R3HDM2: variants seen among roughly 807,000 people sequenced by gnomAD.
R3HDM2 encodes R3H domain-containing protein 2.
A neutral mutation model predicts 124.5 loss-of-function variants in R3HDM2; 38 were observed. The observed-to-expected ratio is 0.31, with a 90% CI of 0.24 to 0.40. R3HDM2 has a LOEUF of 0.40. Ranked by LOEUF, R3HDM2 falls within the 10% of genes least tolerant of loss-of-function variation. R3HDM2 has a pLI of 1.00. For missense variants in R3HDM2, 869 were observed against 1,236.9 expected (o/e 0.70, Z 4.46); for synonymous variants, 391 against 448.0 (o/e 0.87, Z 1.61).
chr12:57,425,767 C>A (rs2070684076), intron 1 of R3HDM2, among the ~76,000 whole-genome samples: 1 of 152,100 alleles, frequency 6.6e-6, no homozygotes, highest in South Asian at 2.1e-4. Context: ...CACTGCACTC[C>A]AGCCTGGGAG....
chr12:57,293,233 G>A (rs2049012796), intron 10 of R3HDM2, among the ~76,000 whole-genome samples: 1 of 152,132 alleles, frequency 6.6e-6, no homozygotes. Flanking sequence ...TAAACTCAAA[G>A]CCTAAGCATT....
intron 11 of R3HDM2, among the ~76,000 whole-genome samples, chr12:57,291,616 T>G (rs1245882092): frequency 1.3e-5 from 2 of 150,660 alleles, no homozygotes. Flanking sequence ...ACTGTGCCAT[T>G]GCACTGCAGC....
chr12:57,305,737 C>T lies in R3HDM2; in HGVS notation c.166-2520G>A, dbSNP rs771700215. Reference sequence around the variant, plus strand: ...CTAGAGAGGTACTCATGGAGTGCTACAGGAGCACACAGCAGAAGCGTCTGA... The same window carrying T: ...CTAGAGAGGTACTCATGGAGTGCTATAGGAGCACACAGCAGAAGCGTCTGA... On this transcript the variant is annotated intron_variant, in intron 3 of 23. Coordinates refer to ENST00000402412, the MANE Select transcript of R3HDM2 (RefSeq NM_001394031.1). 15 of 398,180 alleles carry T rather than the reference C, an allele frequency of 3.8e-5. No individual in the cohort carries two copies. In the Admixed American group the frequency reaches 4.0e-4, roughly 11 times the overall value. 24.7% of individuals were successfully genotyped at this position (398,180 alleles called of 1,614,324 possible).
intron 2 of R3HDM2, among the ~76,000 whole-genome samples, chr12:57,336,612 A>G (rs751956218): frequency 1.4e-4 from 22 of 152,204 alleles, no homozygotes; most frequent in Non-Finnish European, 2.4e-4. Flanking sequence ...GAGCTAAATG[A>G]TAAGAACTTG....
chr12:57,377,508 C>T (rs2064253072), intron 2 of R3HDM2, among the ~76,000 whole-genome samples: 1 of 152,032 alleles, frequency 6.6e-6, no homozygotes. Context: ...TTCCACCAAT[C>T]ACCTAGTAAT....
chr12:57,294,880 G>A (rs2049421017), intron 10 of R3HDM2, among the ~76,000 whole-genome samples: 2 of 152,198 alleles, frequency 1.3e-5, no homozygotes, highest in Admixed American at 1.3e-4. Context: ...TTGGTGGAAG[G>A]AGTTGGAAAA....
intron 5 of R3HDM2, 52 bp downstream of exon 5, chr12:57,300,043 A>G: frequency 7.3e-7 from 1 of 1,362,032 alleles, no homozygotes; most frequent in African/African-American, 1.4e-5. Flanking sequence ...ACTACATCTT[A>G]CCAAACAACT....
chr12:57,354,007 C>T (rs549941553), intron 2 of R3HDM2, among the ~76,000 whole-genome samples: 2 of 152,120 alleles, frequency 1.3e-5, no homozygotes, highest in African/African-American at 2.4e-5. Context: ...GTGCACGCCA[C>T]CACACCCAGC....
chr12:57,274,070 G>A (rs1347932180), intron 14 of R3HDM2, among the ~76,000 whole-genome samples: 1 of 152,118 alleles, frequency 6.6e-6, no homozygotes, highest in Non-Finnish European at 1.5e-5. Context: ...AGTATTAGCT[G>A]CTTATACTGG....
intron 6 of R3HDM2, among the ~76,000 whole-genome samples, chr12:57,299,145 T>C (rs888794172): frequency 5.3e-5 from 8 of 152,168 alleles, no homozygotes; most frequent in East Asian, 1.9e-4. Context: ...CCAATGCAGA[T>C]GGAGTAGCTG....
chr12:57,297,044 A>G, intron 8 of R3HDM2: 1 of 300,664 alleles, frequency 3.3e-6, no homozygotes, highest in Non-Finnish European at 6.1e-6. Flanking sequence ...ACAAAGAAAG[A>G]CTGTCTCAAA....
At chr12:57,396,794 A>C (rs1436563109) in intron 1 of R3HDM2, among the ~76,000 whole-genome samples, 1 of 129,010 alleles carries the variant, frequency 7.8e-6, no homozygotes, top group Non-Finnish European at 1.7e-5. Context: ...AAAAAAAAAA[A>C]GAGTAGTCTA....
chr12:57,417,801 T>C (rs1279825392), intron 1 of R3HDM2, among the ~76,000 whole-genome samples: 1 of 152,176 alleles, frequency 6.6e-6, no homozygotes, highest in Non-Finnish European at 1.5e-5. Flanking sequence ...TGCTCCTTCC[T>C]CAAAATATTA....
intron 1 of R3HDM2, among the ~76,000 whole-genome samples, chr12:57,426,201 T>A (rs927941197): frequency 6.6e-6 from 1 of 152,024 alleles, no homozygotes; most frequent in African/African-American, 2.4e-5. Flanking sequence ...GCACTCCAGC[T>A]TGGGCGACAG....
intron 19 of R3HDM2, among the ~76,000 whole-genome samples, chr12:57,261,845 T>G (rs1592373769): frequency 7.4e-6 from 1 of 135,720 alleles, no homozygotes; most frequent in African/African-American, 2.8e-5. Context: ...TGGCAGCCAG[T>G]GGGAAGTGGG....
At chr12:57,256,206 C>A in intron 22 of R3HDM2, 132 bp from the exon 23 acceptor site, 1 of 986,988 alleles carries the variant, frequency 1.0e-6, no homozygotes, top group Non-Finnish European at 1.6e-6. Flanking sequence ...TCAGGTTGGC[C>A]ATGGAGCAGC....
rs1288624850 is a variant in R3HDM2, at chr12:57,335,003, G to A, written c.-35-24540C>T. 3.3e-5 allele frequency among the ~76,000 whole-genome samples: 5 copies of A among 150,916 alleles called. No homozygotes were observed. The East Asian group carries it at 8.0e-4, about 24-fold the overall frequency. On this transcript the variant is annotated intron_variant, in intron 2 of 23. Coordinates refer to ENST00000402412, the MANE Select transcript of R3HDM2 (RefSeq NM_001394031.1). Reference sequence around the variant, plus strand: ...AAAAAAAAAAAAAAGTTAGCTGGGTGTAGTGGTACCTCTGTGTAGTCCCAG... The same window carrying A: ...AAAAAAAAAAAAAAGTTAGCTGGGTATAGTGGTACCTCTGTGTAGTCCCAG...
chr12:57,308,248 G>A (rs1475904644), intron 3 of R3HDM2, among the ~76,000 whole-genome samples: 1 of 151,060 alleles, frequency 6.6e-6, no homozygotes, highest in African/African-American at 2.4e-5. Context: ...TGGAGCCAGG[G>A]TTTCACCATG....
intron 2 of R3HDM2, among the ~76,000 whole-genome samples, chr12:57,334,975 C>CAA (rs781478665): frequency 4.1e-5 from 5 of 120,820 alleles, no homozygotes; most frequent in Admixed American, 8.4e-5. Flanking sequence ...CCACCTCTAC[C>CAA]AAAAAAAAAA....
Sources: gnomAD v4.1 joint callset for allele counts (sites outside exome capture counted in the v4.1 genomes callset) on GRCh38, gnomAD v4.1.1 for gene constraint, MANE v1.5 for transcripts, NCBI Gene and HGNC (gene_info 2026-07-23, HGNC 2026-07-21) for gene names.